Variants in APOB observed in about 807,000 individuals in gnomAD.
The protein encoded by APOB is apolipoprotein B-100.
In APOB, 153 loss-of-function variants were observed where a neutral mutation model predicts 314.1. That is an observed-to-expected ratio of 0.49 (90% CI 0.43 to 0.56). The LOEUF (loss-of-function observed/expected upper bound fraction) is 0.56, where lower values mean the gene tolerates loss of function less well. Among genes scored for constraint, APOB ranks in the 20% least tolerant of loss-of-function variants. The pLI is 0.00. For synonymous variants in APOB, 2,087 were observed against 2,036.4 expected (o/e 1.02, Z -0.67); for missense variants, 5,430 against 5,350.7 (o/e 1.01, Z -0.46).
At chr2:21,023,429 T>C in intron 17 of APOB, 96 bp downstream of exon 17, 1 of 1,435,056 alleles carries the variant, frequency 7.0e-7, no homozygotes, top group Non-Finnish European at 9.8e-7. Context: ...GCATTTTGTC[T>C]TGAAGTGGAA....
At chr2:21,030,083 G>A in intron 10 of APOB, 68 bp from the exon 11 acceptor site, 1 of 941,492 alleles carries the variant, frequency 1.1e-6, no homozygotes, top group Non-Finnish European at 1.7e-6. Context: ...ACCCAAACTT[G>A]TGAATTAGAA....
In APOB at chr2:21,009,965, C is replaced by T. The variant is rs1310993966; in HGVS notation, c.6903G>A (p.Leu2301=). ...AIDVRVLLDQ[L]GTTISFERIN... ...TTCTTTCAAATGAAATTGTAGTTCC[C>T]AATTGATCTAAAAGCACTCTAACAT... Residue 2301 remains leucine (L), a synonymous_variant, in exon 26 of 29, where the codon TTG becomes TTA. Coordinates refer to ENST00000233242, the MANE Select transcript of APOB (RefSeq NM_000384.3). 4 of 1,613,586 alleles carry T rather than the reference C, an allele frequency of 2.5e-6. No individual in the cohort carries two copies. The African/African-American group carries it at 4.0e-5, about 16-fold the overall frequency.
At chr2:21,041,939 C>T (rs1187033855) in intron 3 of APOB, among the ~76,000 whole-genome samples, 2 of 152,040 alleles carry the variant, frequency 1.3e-5, no homozygotes, top group Non-Finnish European at 2.9e-5. Context: ...ATATTTTTTT[C>T]TTCTTTCCAT....
Position 21,023,418 on chromosome 2 carries a change from AG to A in APOB, c.2604+106del, listed in dbSNP as rs371576574. 1,203 of 1,317,368 alleles carry A rather than the reference AG, an allele frequency of 9.1e-4. 8 individuals are homozygous for A. The African/African-American group carries it at 0.015, about 16-fold the overall frequency. 81.6% of individuals were successfully genotyped at this position (1,317,368 alleles called of 1,614,324 possible). A position where few individuals can be genotyped will look rare whatever the true frequency, so the allele number is the denominator to read the frequency against. On this transcript the variant is annotated intron_variant, in intron 17 of 28. Coordinates refer to ENST00000233242, the MANE Select transcript of APOB (RefSeq NM_000384.3). ...AATAATGAGGTGATTACAATGATGA[AG>A]CATTTTGTCTTGAAGTGGAAACACA...
Position 21,026,777 on chromosome 2 carries a change from C to A in APOB, c.2244+11G>T, listed in dbSNP as rs374361020. The A allele has an allele frequency of 1.1e-4, 178 of 1,610,382 alleles. No individual in the cohort carries two copies. Among genetic ancestry groups the A allele is most frequent in the Non-Finnish European group, 1.5e-4 (176 of 1,176,780 alleles). On this transcript the variant is annotated intron_variant, in intron 15 of 28. Transcript: ENST00000233242. ...AAGCTTTCCTTAAGAAGATACTTCACAAATACACACCTGCTCATGTTTATC... is the reference window on the plus strand; with the variant it reads ...AAGCTTTCCTTAAGAAGATACTTCAAAAATACACACCTGCTCATGTTTATC...
chr2:21,013,081 T>C, intron 25 of APOB, 79 bp downstream of exon 25: 1 of 1,585,610 alleles, frequency 6.3e-7, no homozygotes, highest in Non-Finnish European at 8.6e-7. Context: ...GCCAAAGTCC[T>C]TTCCTCCCTG....
Position 21,043,894 on chromosome 2 carries a change from G to T in APOB, c.52C>A (p.Leu18Met). ...LLALLALPALLLLLLAGARAE... is the reference protein window; with the variant it reads ...LLALLALPALMLLLLAGARAE... ...CTGGCGCCCGCCAGCAGCAGCAGCA[G>T]CAGCGCAGGCAGCGCCAGCAGCGCC... The change falls in exon 1 of 29, where the codon CTG (leucine) becomes ATG (methionine). Residue 18 changes from leucine to methionine, a missense_variant. Coordinates refer to ENST00000233242, the MANE Select transcript of APOB (RefSeq NM_000384.3). 7.0e-7 allele frequency: 1 copy of T among 1,435,246 alleles called. No individual in the cohort carries two copies. The highest frequency in any genetic ancestry group is 9.1e-7 in the Non-Finnish European group (1 of 1,098,388). 88.9% of individuals were successfully genotyped at this position (1,435,246 alleles called of 1,614,324 possible). A position where few individuals can be genotyped will look rare whatever the true frequency, so the allele number is the denominator to read the frequency against.
rs552849223 is a variant in APOB at position 21,032,683 on chromosome 2, T to C, written c.1125-102A>G. ...GCCAGGAGAGCCCTTAATCACCTCA[T>C]TCACTATTCAAATCTAACTTCAAAA... On this transcript the variant is annotated intron_variant, in intron 9 of 28. Coordinates refer to ENST00000233242, the MANE Select transcript of APOB (RefSeq NM_000384.3). 1.7e-4 allele frequency: 142 copies of C among 859,412 alleles called. No homozygotes were observed. In the African/African-American group the frequency reaches 3.3e-3, roughly 20 times the overall value. 53.2% of individuals were successfully genotyped at this position (859,412 alleles called of 1,614,324 possible). A position where few individuals can be genotyped will look rare whatever the true frequency, so the allele number is the denominator to read the frequency against.
rs779211270 is a variant in APOB at position 21,008,320 on chromosome 2, T to C, written c.8548A>G (p.Ile2850Val). The part of the protein sequence containing the change: ...GSEMLFFGNA[I>V]EGKSNTVASL... ...GCCACTGTGTTTGATTTTCCCTCAA[T>C]AGCATTTCCAAAAAACAGCATTTCA... Residue 2850 changes from isoleucine to valine, a missense_variant, in exon 26 of 29, where the codon ATT (isoleucine) becomes GTT (valine). By Grantham distance (29) the Ile-to-Val change is conservative. Around this residue, in one of 3 missense-constraint regions of APOB, gnomAD observed 3,281 missense variants for 3,171.0 expected, o/e 1.03. Transcript: ENST00000233242. 1.2e-6 allele frequency: 2 copies of C among 1,613,126 alleles called. No individual in the cohort carries two copies. The highest frequency in any genetic ancestry group is 1.7e-6 in the Non-Finnish European group (2 of 1,179,258).
At chr2:21,016,844 C>T (rs542537699) in intron 20 of APOB, among the ~76,000 whole-genome samples, 195 bp from the exon 21 acceptor site, 55 of 151,856 alleles carry the variant, frequency 3.6e-4, no homozygotes, top group African/African-American at 5.3e-4. Context: ...ATTAGCCGGG[C>T]GCGTTGGTGG....
intron 16 of APOB, chr2:21,023,920 T>C (rs1663674844): frequency 4.9e-6 from 2 of 405,886 alleles, no homozygotes; most frequent in South Asian, 5.3e-5. Context: ...CATGTCATTT[T>C]CAAGTGGACT....
intron 23 of APOB, 151 bp downstream of exon 23, chr2:21,014,922 T>C (rs1663424976): frequency 2.4e-6 from 2 of 837,078 alleles, no homozygotes; most frequent in Non-Finnish European, 3.9e-6. Context: ...ACTACACACT[T>C]GTGAAAGTTT....
chr2:21,024,906 G>C, intron 16 of APOB, 27 bp downstream of exon 16: 1 of 1,613,378 alleles, frequency 6.2e-7, no homozygotes, highest in Middle Eastern at 1.6e-4. Flanking sequence ...TGGTCTCATG[G>C]GCCCCCAGTG....
At position 21,013,190 on chromosome 2, in the gene APOB, C is replaced by T. The variant is rs1206220952; in HGVS notation, c.4186G>A (p.Val1396Met). Reference protein sequence around the residue: ...RARYHMKADSVVDLLSYNVQG... With the variant: ...RARYHMKADSMVDLLSYNVQG... ...ACATTGTAGGAAAGCAGGTCAACCA[C>T]AGAGTCAGCCTTCATGTGGTAACGA... is the stretch of plus-strand genomic sequence containing the variant. The change falls in exon 25 of 29, where the codon GTG (valine) becomes ATG (methionine). Residue 1396 changes from valine (V) to methionine (M), a missense_variant. This residue lies in a region of APOB where 2,085 missense variants were observed against 2,079.7 expected (regional missense o/e 1.00). Transcript: ENST00000233242. 1 of 1,614,138 alleles carries T rather than the reference C, an allele frequency of 6.2e-7. No homozygotes were observed. Among genetic ancestry groups the T allele is most frequent in the South Asian group, 1.1e-5 (1 of 91,066 alleles).
In APOB at chr2:21,012,330, C is replaced by T. The variant is rs780817600; in HGVS notation, c.4538G>A (p.Arg1513Gln). The change falls in exon 26 of 29, where the codon CGG becomes CAG. Residue 1513 changes from arginine to glutamine, a missense_variant. Physicochemically the swap from Arg to Gln is conservative, Grantham distance 43. This residue lies in a region of APOB where 2,085 missense variants were observed against 2,079.7 expected (regional missense o/e 1.00). Coordinates refer to ENST00000233242, the MANE Select transcript of APOB (RefSeq NM_000384.3). ...LSCQRDPNTG[R>Q]LNGESNLRFN... ...CCTCAGGTTGGACTCTCCATTGAGC[C>T]GGCCAGTGTTAGGATCCCTCTGACA... 4.6e-5 allele frequency: 74 copies of T among 1,614,000 alleles called. No homozygotes were observed. Among genetic ancestry groups the T allele is most frequent in the East Asian group, 3.1e-4 (14 of 44,888 alleles).
In APOB at chr2:21,034,811, CT is replaced by C; in HGVS notation, c.904+4del. 6.4e-7 allele frequency: 1 copy of C among 1,561,586 alleles called. No homozygotes were observed. The highest frequency in any genetic ancestry group is 8.8e-7 in the Non-Finnish European group (1 of 1,132,062). ...TCCAGCAACTATGTGGACAGAAACT[CT>C]TACCTTCACCAAAGAAGCGGCTGTT... On this transcript the variant is annotated splice_donor_region_variant and intron_variant, in intron 8 of 28. Transcript: ENST00000233242.
rs747610107 is a variant in APOB at position 21,022,919 on chromosome 2, C to A, written c.2728G>T (p.Gly910Cys). 42 of 1,614,010 alleles carry A rather than the reference C, an allele frequency of 2.6e-5. No homozygotes were observed. Among genetic ancestry groups the A allele is most frequent in the Admixed American group, 5.0e-5 (3 of 59,994 alleles). Residue 910 changes from glycine to cysteine, a missense_variant, in exon 18 of 29, where the codon GGT becomes TGT. Transcript: ENST00000233242. The part of the protein sequence containing the change: ...QMNTNFFHES[G>C]LEAHVALKAG... ...TTTAGGGCAACATGAGCCTCCAGACCCGACTCGTGGAAGAAGTTGGTGTTC... is the reference window on the plus strand; with the variant it reads ...TTTAGGGCAACATGAGCCTCCAGACACGACTCGTGGAAGAAGTTGGTGTTC...
intron 15 of APOB, 31 bp from the exon 16 acceptor site, chr2:21,025,155 G>GAC: frequency 6.2e-7 from 1 of 1,604,156 alleles, no homozygotes; most frequent in Non-Finnish European, 8.5e-7. Context: ...TGGCCAGTGA[G>GAC]ATGTCAGCAA....
intron 18 of APOB, 126 bp from the exon 19 acceptor site, chr2:21,020,031 A>G: frequency 1.2e-6 from 1 of 833,884 alleles, no homozygotes; most frequent in Non-Finnish European, 2.0e-6. Context: ...ATCTCTAACT[A>G]TTTAATTTAC....
Sources: allele counts gnomAD v4.1 joint callset (sites outside exome capture counted in the v4.1 genomes callset), GRCh38; gene constraint gnomAD v4.1.1; regional missense constraint gnomAD v4.1.1; transcripts MANE v1.5; gene names NCBI Gene and HGNC (gene_info 2026-07-23, HGNC 2026-07-21).